The following ADAM12 variants were observed in gnomAD, a reference collection of about 807,000 sequenced individuals.
ADAM12 encodes ADAM metallopeptidase domain 12.
In ADAM12, 70 loss-of-function variants were observed where a neutral mutation model predicts 106.4. The observed-to-expected ratio is 0.66, with a 90% CI of 0.54 to 0.80. ADAM12 has a LOEUF of 0.80. ADAM12 is among the 30% of genes least tolerant of loss of function. ADAM12 has a pLI of 0.00. For missense variants in ADAM12, 1,010 were observed against 1,171.9 expected (o/e 0.86, Z 2.02); for synonymous variants, 420 against 433.5 (o/e 0.97, Z 0.39).
At chr10:126,362,131 C>T (rs1685598196) in intron 1 of ADAM12, among the ~76,000 whole-genome samples, 1 of 151,996 alleles carries the variant, frequency 6.6e-6, no homozygotes, top group Non-Finnish European at 1.5e-5. Context: ...AGGGACCAGA[C>T]TAGACATTTC....
At chr10:126,387,900 G>C (rs917837758) in intron 1 of ADAM12, among the ~76,000 whole-genome samples, 158 bp downstream of exon 1, 2 of 149,822 alleles carry the variant, frequency 1.3e-5, no homozygotes, top group Admixed American at 1.3e-4. Flanking sequence ...GGGGGGGGGG[G>C]GTCGGTCTCG....
rs1261966682 is a variant in ADAM12 at position 126,066,675 on chromosome 10, T to G, written c.1413+42A>C. Reference sequence around the variant, plus strand: ...GCATCAGATCTGAACCACCTGAACCTGTTGGCGACCTGGGGGTCAAGTTGT... The same window carrying G: ...GCATCAGATCTGAACCACCTGAACCGGTTGGCGACCTGGGGGTCAAGTTGT... On this transcript the variant is annotated intron_variant, in intron 13 of 22. Transcript: ENST00000448723. This position sits in a 1 kb window ranked among gnomAD's most constrained non-coding sequence, Gnocchi z 5.1. 1.3e-6 allele frequency: 2 copies of G among 1,591,014 alleles called. No homozygotes were observed. Among genetic ancestry groups the G allele is most frequent in the Admixed American group, 3.3e-5 (2 of 59,984 alleles).
In ADAM12 at chr10:126,043,478, C is replaced by T. The variant is rs1226055067; in HGVS notation, c.1996-330G>A. 6.6e-6 allele frequency among the ~76,000 whole-genome samples: 1 copy of T among 152,146 alleles called. No individual in the cohort carries two copies. Among genetic ancestry groups the T allele is most frequent in the Non-Finnish European group, 1.5e-5 (1 of 68,034 alleles). On this transcript the variant is annotated intron_variant, in intron 17 of 22. Coordinates refer to ENST00000448723, the MANE Select transcript of ADAM12 (RefSeq NM_001288973.2). The surrounding 1 kb of genome is among the most constrained non-coding windows in gnomAD (Gnocchi z 4.1). ...TTTTCAATCTGGAAAACTGTCTGAC[C>T]ATGAGGAGAAGCCCCCTCAGCAGTG...
At chr10:126,326,578 T>C (rs1854311789) in intron 2 of ADAM12, among the ~76,000 whole-genome samples, 1 of 152,178 alleles carries the variant, frequency 6.6e-6, no homozygotes, top group African/African-American at 2.4e-5. Context: ...CTCTCCTTCC[T>C]GGACAGTTGC....
rs1491107798 is a variant in ADAM12 at position 126,121,112 on chromosome 10, T to TATATATAGTATATATA, written c.417-2889_417-2888insTATATATACTATATAT. ...GTATAATATACTATATTATATATAG[T>TATATATAGTATATATA]ATATATATAGTATATATACTATATA... On this transcript the variant is annotated intron_variant, in intron 5 of 22. Coordinates refer to ENST00000448723, the MANE Select transcript of ADAM12 (RefSeq NM_001288973.2). Among the ~76,000 whole-genome samples the TATATATAGTATATATA allele has an allele frequency of 2.2e-3, 43 of 19,904 alleles. 1 individual carries two copies. In the South Asian group the frequency reaches 0.037, roughly 17 times the overall value. 13.1% of individuals were successfully genotyped at this position (19,904 alleles called of 152,430 possible). A position where few individuals can be genotyped will look rare whatever the true frequency, so the allele number is the denominator to read the frequency against.
chr10:126,121,079 T>C lies in ADAM12; in HGVS notation c.417-2855A>G, dbSNP rs1314735089. ...ATGCAATATAATTAAATATATTATA[T>C]ATTAGATGTATAATATACTATATTA... On this transcript the variant is annotated intron_variant, in intron 5 of 22. Coordinates refer to ENST00000448723, the MANE Select transcript of ADAM12 (RefSeq NM_001288973.2). Among the ~76,000 whole-genome samples the C allele has an allele frequency of 8.1e-5, 7 of 86,138 alleles. No individual in the cohort carries two copies. The East Asian group carries it at 2.3e-3, about 28-fold the overall frequency. The allele number at this position is 86,138 out of a possible 152,430, so 56.5% of individuals were successfully genotyped here. A position where few individuals can be genotyped will look rare whatever the true frequency, so the allele number is the denominator to read the frequency against.
At chr10:126,096,237 T>G (rs955577010) in intron 10 of ADAM12, among the ~76,000 whole-genome samples, 2 of 152,196 alleles carry the variant, frequency 1.3e-5, no homozygotes, top group Non-Finnish European at 2.9e-5. Context: ...GAATTCACCC[T>G]TAAAAAATAT....
At chr10:126,292,802 T>C (rs1184947209) in intron 2 of ADAM12, among the ~76,000 whole-genome samples, 3 of 152,222 alleles carry the variant, frequency 2.0e-5, no homozygotes, top group African/African-American at 7.2e-5. Flanking sequence ...TTTCCCATCA[T>C]TTTATGTGTT....
Position 126,096,070 on chromosome 10 carries a change from T to G in ADAM12, c.997-1937A>C, listed in dbSNP as rs1590402683. On this transcript the variant is annotated intron_variant, in intron 10 of 22. Coordinates refer to ENST00000448723, the MANE Select transcript of ADAM12 (RefSeq NM_001288973.2). ...ATCTTACAGTAGATGAAATTCCTAA[T>G]AAATTACTTTGTTTAGATTTTAGAG... 2.0e-5 allele frequency among the ~76,000 whole-genome samples: 3 copies of G among 152,220 alleles called. No homozygotes were observed. The East Asian group carries it at 5.8e-4, about 29-fold the overall frequency.
intron 3 of ADAM12, among the ~76,000 whole-genome samples, chr10:126,205,716 T>C (rs750817047): frequency 2.0e-5 from 3 of 152,264 alleles, no homozygotes; most frequent in Non-Finnish European, 4.4e-5. Context: ...TTATCTCAAA[T>C]TTTGCAGACT....
chr10:126,354,502 C>T (rs1473743516), intron 1 of ADAM12, among the ~76,000 whole-genome samples: 1 of 152,116 alleles, frequency 6.6e-6, no homozygotes, highest in Non-Finnish European at 1.5e-5. Flanking sequence ...GAGTGAGTTT[C>T]TAGGATCTGC....
chr10:126,116,149 G>A (rs1330343265), intron 6 of ADAM12, among the ~76,000 whole-genome samples: 1 of 152,218 alleles, frequency 6.6e-6, no homozygotes, highest in Non-Finnish European at 1.5e-5. Context: ...AAAGCTGTAA[G>A]CTAAAAGAAT....
At chr10:126,296,762 TC>T (rs1478112818) in intron 2 of ADAM12, among the ~76,000 whole-genome samples, 1 of 152,240 alleles carries the variant, frequency 6.6e-6, no homozygotes, top group Non-Finnish European at 1.5e-5. Context: ...AAATGACCCC[TC>T]ACTCTTTTTA....
chr10:126,136,479 G>A (rs1322066402), intron 4 of ADAM12, among the ~76,000 whole-genome samples: 1 of 152,150 alleles, frequency 6.6e-6, no homozygotes, highest in Non-Finnish European at 1.5e-5. Context: ...AAAGGTACAT[G>A]CATCTTCTCA....
intron 3 of ADAM12, among the ~76,000 whole-genome samples, chr10:126,175,180 G>A (rs1214662633): frequency 6.6e-6 from 1 of 152,168 alleles, no homozygotes; most frequent in Non-Finnish European, 1.5e-5. Context: ...AAGCTGAACA[G>A]CACAGCACAC....
chr10:126,146,924 A>T (rs1344948901), intron 4 of ADAM12, among the ~76,000 whole-genome samples: 1 of 152,132 alleles, frequency 6.6e-6, no homozygotes, highest in Non-Finnish European at 1.5e-5. Context: ...TTTCATCTCG[A>T]TTAGATGCTT....
At chr10:126,331,201 C>A (rs1365824359) in intron 1 of ADAM12, among the ~76,000 whole-genome samples, 1 of 152,164 alleles carries the variant, frequency 6.6e-6, no homozygotes, top group Admixed American at 6.5e-5. Context: ...TTTTTCTCTT[C>A]TGGAGGGTGT....
chr10:126,273,680 T>C (rs1306711742), intron 3 of ADAM12, among the ~76,000 whole-genome samples: 1 of 152,128 alleles, frequency 6.6e-6, no homozygotes, highest in Non-Finnish European at 1.5e-5. Flanking sequence ...CACCAAGAAT[T>C]AGAGGTAAAG....
intron 2 of ADAM12, among the ~76,000 whole-genome samples, chr10:126,315,499 C>T (rs1280916194): frequency 6.6e-6 from 1 of 152,160 alleles, no homozygotes; most frequent in African/African-American, 2.4e-5. Context: ...GTCTGGGCAA[C>T]TGAAGTATGT....
Sources: allele counts gnomAD v4.1 joint callset (sites outside exome capture counted in the v4.1 genomes callset), GRCh38; gene constraint gnomAD v4.1.1; non-coding constraint Gnocchi (gnomAD v3.1); transcripts MANE v1.5; gene names NCBI Gene and HGNC (gene_info 2026-07-23, HGNC 2026-07-21).